The following CARS1 variants were observed in gnomAD, a reference collection of about 807,000 sequenced individuals.
CARS1 encodes cysteinyl-tRNA synthetase 1, also known as cysteine--tRNA ligase, cytoplasmic.
Under a neutral mutation model 106.2 loss-of-function variants are expected in CARS1, and 48 were observed. The observed-to-expected ratio is 0.45, with a 90% confidence interval of 0.36 to 0.57. The LOEUF (loss-of-function observed/expected upper bound fraction) is 0.57, where lower values mean the gene tolerates loss of function less well. Ranked by LOEUF, CARS1 falls within the 20% of genes least tolerant of loss-of-function variation. CARS1 has a pLI of 0.00. For synonymous variants in CARS1, 409 were observed against 403.4 expected, an observed-to-expected ratio of 1.01 and a Z score of -0.17; for missense variants, 968 against 1,057.2, an observed-to-expected ratio of 0.92 and a Z score of 1.17.
chr11:3,041,432 G>T lies in CARS1; in HGVS notation c.367-448C>A, dbSNP rs1470734413. 6.6e-6 allele frequency among the ~76,000 whole-genome samples: 1 copy of T among 152,080 alleles called. No homozygotes were observed. The highest frequency in any genetic ancestry group is 1.5e-5 in the Non-Finnish European group (1 of 68,008). On this transcript the variant is annotated intron_variant, in intron 3 of 22. Coordinates refer to ENST00000380525, the MANE Select transcript of CARS1 (RefSeq NM_001014437.3). This position sits in a 1 kb window ranked among gnomAD's most constrained non-coding sequence, Gnocchi z 4.9. ...ACTGAGGCAGACAACACTTGGCCAG[G>T]GTCAGTCCCTGTTGGGGGAGCGCGG...
chr11:3,012,348 G>C, intron 17 of CARS1, 72 bp from the exon 18 acceptor site: 1 of 1,341,794 alleles, frequency 7.5e-7, no homozygotes, highest in South Asian at 1.2e-5. Flanking sequence ...TAATAGCTCA[G>C]TGGCCGCGAC....
chr11:3,019,395 C>T lies in CARS1; in HGVS notation c.1267-128G>A. ...ATTGGAACAAGCGTTAAATCCCGCA[C>T]ATGAAAAGACTAAGGGAAGGCTGGG... On this transcript the variant is annotated intron_variant, in intron 11 of 22. Coordinates refer to ENST00000380525, the MANE Select transcript of CARS1 (RefSeq NM_001014437.3). This position sits in a 1 kb window ranked among gnomAD's most constrained non-coding sequence, Gnocchi z 6.2. 1.9e-6 allele frequency: 2 copies of T among 1,056,774 alleles called. No homozygotes were observed. Among genetic ancestry groups the T allele is most frequent in the Non-Finnish European group, 2.5e-6 (2 of 802,984 alleles). The allele number at this position is 1,056,774 out of a possible 1,614,324, so 65.5% of individuals were successfully genotyped here.
In CARS1 at chr11:3,038,417, A is replaced by G. The variant is rs949074674; in HGVS notation, c.652-218T>C. Among the ~76,000 whole-genome samples the G allele has an allele frequency of 2.0e-5, 3 of 152,188 alleles. No homozygotes were observed. Among genetic ancestry groups the G allele is most frequent in the Non-Finnish European group, 4.4e-5 (3 of 68,034 alleles). On this transcript the variant is annotated intron_variant, in intron 6 of 22. Transcript: ENST00000380525. The surrounding 1 kb of genome is among the most constrained non-coding windows in gnomAD (Gnocchi z 4.0). Reference sequence around the variant, plus strand: ...TGCCCTCTCACGTGTGACCCTGGACAGGGCACCTAACCTCTCTGTGCCTCA... The same window carrying G: ...TGCCCTCTCACGTGTGACCCTGGACGGGGCACCTAACCTCTCTGTGCCTCA...
At chr11:3,014,027 C>T (rs1850752593) in intron 17 of CARS1, among the ~76,000 whole-genome samples, 1 of 152,162 alleles carries the variant, frequency 6.6e-6, no homozygotes, top group Admixed American at 6.5e-5. Flanking sequence ...GCCAAGCTCC[C>T]TGAGACCCAA....
rs1853958188 is a variant in CARS1 at position 3,038,320 on chromosome 11, T to C, written c.652-121A>G. 1.1e-5 allele frequency: 10 copies of C among 913,648 alleles called. No homozygotes were observed. The highest frequency in any genetic ancestry group is 1.7e-5 in the Non-Finnish European group (10 of 588,588). 56.6% of individuals were successfully genotyped at this position (913,648 alleles called of 1,614,324 possible). A position where few individuals can be genotyped will look rare whatever the true frequency, so the allele number is the denominator to read the frequency against. ...CCATGGCCCCATAGAGATAGAGAAG[T>C]GTGCAACCCAAGTGGCCAGGCAGTA... On this transcript the variant is annotated intron_variant, in intron 6 of 22. Coordinates refer to ENST00000380525, the MANE Select transcript of CARS1 (RefSeq NM_001014437.3). The surrounding 1 kb of genome is among the most constrained non-coding windows in gnomAD (Gnocchi z 4.0).
chr11:3,042,057 T>C, intron 3 of CARS1, 108 bp downstream of exon 3: 1 of 743,692 alleles, frequency 1.3e-6, no homozygotes, highest in South Asian at 1.8e-5. Flanking sequence ...GAACTCCAGA[T>C]CCCAACACAA....
chr11:3,017,921 C>T lies in CARS1; in HGVS notation c.1663G>A (p.Ala555Thr), dbSNP rs61737267. 1.3e-3 allele frequency: 2,085 copies of T among 1,613,816 alleles called. 27 individuals are homozygous for T. The African/African-American group carries it at 0.02, about 16-fold the overall frequency. Residue 555 changes from alanine (A) to threonine (T), a missense_variant, in exon 15 of 23, where the codon GCT becomes ACT. Coordinates refer to ENST00000380525, the MANE Select transcript of CARS1 (RefSeq NM_001014437.3). This position sits in a 1 kb window ranked among gnomAD's most constrained non-coding sequence, Gnocchi z 4.9. ...FFLNVKDILR[A>T]PVDITGQFEK... is the part of the protein sequence containing the mutation. ...AACTGACCAGTGATGTCAACAGGAG[C>T]GCGAAGGATATCTTTCACATTTAAG...
rs779073276 is a variant in CARS1 at position 3,006,921 on chromosome 11, T to C, written c.2107A>G (p.Asn703Asp). Residue 703 changes from asparagine to aspartate, a missense_variant, in exon 19 of 23, where the codon AAC becomes GAC. Physicochemically the swap from Asn to Asp is conservative, Grantham distance 23. Coordinates refer to ENST00000380525, the MANE Select transcript of CARS1 (RefSeq NM_001014437.3). ...CGCACCCCAAGCTCGGGCAGGATGTTGTCCCGCAGGGCATCGCTGAGCTGC... is the reference window on the plus strand; with the variant it reads ...CGCACCCCAAGCTCGGGCAGGATGTCGTCCCGCAGGGCATCGCTGAGCTGC... ...ILQLSDALRD[N>D]ILPELGVRFE... is the part of the protein sequence containing the mutation. 28 of 1,614,006 alleles carry C rather than the reference T, an allele frequency of 1.7e-5. No individual in the cohort carries two copies. The highest frequency in any genetic ancestry group is 2.3e-5 in the Non-Finnish European group (27 of 1,180,026).
intron 7 of CARS1, among the ~76,000 whole-genome samples, chr11:3,033,622 G>A (rs1164039989): frequency 6.6e-6 from 1 of 152,008 alleles, no homozygotes; most frequent in Non-Finnish European, 1.5e-5. Flanking sequence ...TCTTAAATCA[G>A]AAAATAAGCT....
Position 3,046,128 on chromosome 11 carries a change from G to A in CARS1, c.274+1625C>T, listed in dbSNP as rs74937625. Among the ~76,000 whole-genome samples the A allele has an allele frequency of 0.033, 5,048 of 152,284 alleles. 135 individuals carry two copies. Among genetic ancestry groups the A allele is most frequent in the Middle Eastern group, 0.071 (21 of 294 alleles). On this transcript the variant is annotated intron_variant, in intron 2 of 22. Coordinates refer to ENST00000380525, the MANE Select transcript of CARS1 (RefSeq NM_001014437.3). This position sits in a 1 kb window ranked among gnomAD's most constrained non-coding sequence, Gnocchi z 5.8. ...AGCAACTCCATTAGTGCTATCCATG[G>A]TCCATTCTGTTACACAGCAACGTGG... is the stretch of plus-strand genomic sequence containing the variant.
Position 3,039,955 on chromosome 11 carries a change from T to C in CARS1, c.456-24A>G. On this transcript the variant is annotated intron_variant, in intron 4 of 22. Coordinates refer to ENST00000380525, the MANE Select transcript of CARS1 (RefSeq NM_001014437.3). The surrounding 1 kb of genome is among the most constrained non-coding windows in gnomAD (Gnocchi z 5.6). ...ACCTAAAGCAATGAAAAAACAAACA[T>C]TTCCACACCAGACGATATGTATAGC... The C allele has an allele frequency of 8.1e-7, 1 of 1,241,342 alleles. No homozygotes were observed. Among genetic ancestry groups the C allele is most frequent in the Non-Finnish European group, 1.2e-6 (1 of 863,614 alleles). The allele number at this position is 1,241,342 out of a possible 1,614,324, so 76.9% of individuals were successfully genotyped here.
intron 7 of CARS1, among the ~76,000 whole-genome samples, chr11:3,032,896 G>A (rs1207633622): frequency 2.0e-5 from 3 of 151,278 alleles, no homozygotes; most frequent in Admixed American, 1.3e-4. Context: ...AGTAAACCAC[G>A]GACTCAGGGT....
At position 3,019,220 on chromosome 11, in the gene CARS1, G is replaced by C; in HGVS notation, c.1314C>G (p.Leu438=). Residue 438 remains leucine (L), a synonymous_variant, in exon 12 of 23, where the codon CTC becomes CTG. Coordinates refer to ENST00000380525, the MANE Select transcript of CARS1 (RefSeq NM_001014437.3). This position sits in a 1 kb window ranked among gnomAD's most constrained non-coding sequence, Gnocchi z 6.2. ...CGTGAATGTCCATCGAAGCCCCTAGGAGGGTGCCTGCCATGGCCGAGCACT... is the reference window on the plus strand; with the variant it reads ...CGTGAATGTCCATCGAAGCCCCTAGCAGGGTGCCTGCCATGGCCGAGCACT... ...HIECSAMAGT[L]LGASMDIHGG... 6.6e-7 allele frequency: 1 copy of C among 1,509,120 alleles called. No homozygotes were observed. The highest frequency in any genetic ancestry group is 2.4e-5 in the East Asian group (1 of 40,970). 93.5% of individuals were successfully genotyped at this position (1,509,120 alleles called of 1,614,324 possible).
intron 18 of CARS1, among the ~76,000 whole-genome samples, chr11:3,010,937 G>T (rs1218608971): frequency 1.3e-5 from 2 of 152,206 alleles, no homozygotes; most frequent in Non-Finnish European, 2.9e-5. Context: ...TGGGGACCAG[G>T]TGGATCCTAG....
In CARS1 at chr11:3,019,798, T is replaced by A. The variant is rs1851402080; in HGVS notation, c.1266+422A>T. 6.6e-6 allele frequency among the ~76,000 whole-genome samples: 1 copy of A among 152,016 alleles called. No individual in the cohort carries two copies. Among genetic ancestry groups the A allele is most frequent in the African/African-American group, 2.4e-5 (1 of 41,380 alleles). On this transcript the variant is annotated intron_variant, in intron 11 of 22. Coordinates refer to ENST00000380525, the MANE Select transcript of CARS1 (RefSeq NM_001014437.3). This position sits in a 1 kb window ranked among gnomAD's most constrained non-coding sequence, Gnocchi z 6.2. ...CGAGGTTTAGGTGAAGTTACTGAAT[T>A]ACATCCAGACCTCTGAGCCCTTGAC...
At chr11:3,057,244 G>A (rs1856308445) in intron 1 of CARS1, 99 bp downstream of exon 1, 1 of 1,050,766 alleles carries the variant, frequency 9.5e-7, no homozygotes. Context: ...CATGCACCCG[G>A]GCCCCTCAGA....
In CARS1 at chr11:3,028,259, G is replaced by A. The variant is rs1852323699; in HGVS notation, c.1031+737C>T. On this transcript the variant is annotated intron_variant, in intron 9 of 22. Transcript: ENST00000380525. This position sits in a 1 kb window ranked among gnomAD's most constrained non-coding sequence, Gnocchi z 4.4. ...CTCACTCTCCTTAACCTACCCCTTT[G>A]TCTTGTATCCAATAAATATCAGTGC... is the stretch of plus-strand genomic sequence containing the variant. 4.0e-5 allele frequency: 19 copies of A among 474,688 alleles called. No individual in the cohort carries two copies. Among genetic ancestry groups the A allele is most frequent in the Non-Finnish European group, 7.5e-5 (19 of 253,884 alleles). 29.4% of individuals were successfully genotyped at this position (474,688 alleles called of 1,614,324 possible).
intron 7 of CARS1, among the ~76,000 whole-genome samples, chr11:3,033,353 T>C (rs567492314): frequency 2.0e-5 from 3 of 152,302 alleles, no homozygotes; most frequent in Non-Finnish European, 2.9e-5. Context: ...CAGATCCAGA[T>C]TGGGACAGAC....
In CARS1 at chr11:3,020,183, C is replaced by G; in HGVS notation, c.1266+37G>C. On this transcript the variant is annotated intron_variant, in intron 11 of 22. Coordinates refer to ENST00000380525, the MANE Select transcript of CARS1 (RefSeq NM_001014437.3). This position sits in a 1 kb window ranked among gnomAD's most constrained non-coding sequence, Gnocchi z 4.6. The stretch of plus-strand genomic sequence containing the variant: ...GAGAGTGTGGCTGGCGCCAGTGCCC[C>G]TGTCCAAGCCCCACACCTTCTAGGC... 7.9e-7 allele frequency: 1 copy of G among 1,259,666 alleles called. No individual in the cohort carries two copies. The highest frequency in any genetic ancestry group is 1.2e-6 in the Non-Finnish European group (1 of 856,836). 78.0% of individuals were successfully genotyped at this position (1,259,666 alleles called of 1,614,324 possible). A position where few individuals can be genotyped will look rare whatever the true frequency, so the allele number is the denominator to read the frequency against.
Sources: gnomAD v4.1 joint callset for allele counts (sites outside exome capture counted in the v4.1 genomes callset) on GRCh38, gnomAD v4.1.1 for gene constraint, Gnocchi (gnomAD v3.1) non-coding constraint, MANE v1.5 for transcripts, NCBI Gene and HGNC (gene_info 2026-07-23, HGNC 2026-07-21) for gene names.